The following NPAS3 variants were observed in gnomAD, a reference collection of about 807,000 sequenced individuals.
NPAS3 encodes the protein neuronal PAS domain-containing protein 3.
A neutral mutation model predicts 73.1 loss-of-function variants in NPAS3; 14 were observed. The ratio of observed to expected loss-of-function variants is 0.19; its 90% confidence interval spans 0.13 to 0.30. The LOEUF (loss-of-function observed/expected upper bound fraction) is 0.30, where lower values mean the gene tolerates loss of function less well. Among genes scored for constraint, NPAS3 ranks in the 10% least tolerant of loss-of-function variants. The pLI, the probability that NPAS3 is intolerant of heterozygous loss-of-function variation, is 1.00. For synonymous variants in NPAS3, 620 were observed against 541.5 expected (o/e 1.14, Z -2.01); for missense variants, 1,096 against 1,250.0 (o/e 0.88, Z 1.86).
intron 5 of NPAS3, among the ~76,000 whole-genome samples, chr14:33,631,509 G>A (rs2058376307): frequency 6.6e-6 from 1 of 152,176 alleles, no homozygotes; most frequent in Non-Finnish European, 1.5e-5. Flanking sequence ...ATATTGACAG[G>A]TCAAGTACAG....
intron 3 of NPAS3, among the ~76,000 whole-genome samples, chr14:33,271,303 G>T (rs1482276412): frequency 4.6e-5 from 7 of 152,144 alleles, no homozygotes; most frequent in African/African-American, 1.7e-4. Flanking sequence ...ATAGGTCAGA[G>T]AATTTCTTTA....
intron 2 of NPAS3, among the ~76,000 whole-genome samples, chr14:33,103,648 T>C (rs952056965): frequency 2.0e-5 from 3 of 152,188 alleles, no homozygotes; most frequent in Admixed American, 2.0e-4. Context: ...AGGTCAGTGC[T>C]ACTCAGTCAT....
chr14:33,270,244 G>A (rs145261618), intron 3 of NPAS3, among the ~76,000 whole-genome samples: 1 of 152,090 alleles, frequency 6.6e-6, no homozygotes, highest in Non-Finnish European at 1.5e-5. Context: ...CTTGAGAGAA[G>A]GATACAGCTG....
upstream of NPAS3, chr14:32,939,136 G>A (rs1465769978): frequency 2.0e-5 from 3 of 146,506 alleles, no homozygotes; most frequent in Non-Finnish European, 2.8e-5. Context: ...CGCCGCCGCC[G>A]CCGCCACGGC....
intron 1 of NPAS3, among the ~76,000 whole-genome samples, chr14:32,949,881 A>C (rs1284019813): frequency 1.3e-5 from 2 of 152,016 alleles, no homozygotes; most frequent in East Asian, 3.8e-4. Context: ...ACATGTATTA[A>C]ATTTTTATAT....
intron 1 of NPAS3, among the ~76,000 whole-genome samples, chr14:33,005,149 T>A (rs2139600693): frequency 6.6e-6 from 1 of 152,286 alleles, no homozygotes; most frequent in Middle Eastern, 3.4e-3. Context: ...TAGTCATTTA[T>A]TATCATTCTC....
At chr14:33,466,442 A>G (rs190714316) in intron 4 of NPAS3, among the ~76,000 whole-genome samples, 84 of 152,364 alleles carry the variant, frequency 5.5e-4, no homozygotes, top group African/African-American at 1.9e-3. Context: ...AGTAAATACT[A>G]TCAGCATTAG....
intron 4 of NPAS3, among the ~76,000 whole-genome samples, chr14:33,543,364 A>G (rs1409344733): frequency 1.3e-5 from 2 of 152,186 alleles, no homozygotes; most frequent in African/African-American, 2.4e-5. Flanking sequence ...TGCTATTGCT[A>G]TCTTTACTGT....
intron 5 of NPAS3, among the ~76,000 whole-genome samples, chr14:33,620,130 T>C (rs769022122): frequency 3.9e-5 from 6 of 152,226 alleles, no homozygotes; most frequent in Non-Finnish European, 8.8e-5. Flanking sequence ...CTGGCCATGC[T>C]CCTGTGGTGA....
intron 4 of NPAS3, among the ~76,000 whole-genome samples, chr14:33,460,758 G>A (rs896873746): frequency 2.0e-5 from 3 of 151,940 alleles, no homozygotes; most frequent in African/African-American, 7.3e-5. Flanking sequence ...TTGCTATTCA[G>A]ATACTTAAAG....
intron 4 of NPAS3, among the ~76,000 whole-genome samples, chr14:33,456,163 A>G (rs1025517981): frequency 2.0e-5 from 3 of 152,252 alleles, no homozygotes; most frequent in African/African-American, 7.2e-5. Flanking sequence ...TCTGGAATGC[A>G]TTAGCTACGA....
intron 2 of NPAS3, among the ~76,000 whole-genome samples, chr14:33,123,243 C>T (rs970975234): frequency 1.3e-4 from 20 of 151,854 alleles, no homozygotes; most frequent in Non-Finnish European, 2.2e-4. Flanking sequence ...TCACGGGAGA[C>T]ATTTGGGGTG....
Position 33,383,359 on chromosome 14 carries a change from C to G in NPAS3, c.468+16091C>G, listed in dbSNP as rs571045721. Among the ~76,000 whole-genome samples, 9 of 152,166 alleles carry G rather than the reference C, an allele frequency of 5.9e-5. No individual in the cohort carries two copies. In the South Asian group the frequency reaches 1.7e-3, roughly 28 times the overall value. ...TTCCAACTGATTGATGGTTAATTGT[C>G]CCTTTTGTTTTGGGCAGCATTATTA... On this transcript the variant is annotated intron_variant, in intron 4 of 11. Coordinates refer to ENST00000356141, the Ensembl canonical transcript of NPAS3.
At chr14:33,145,264 C>A (rs1236192076) in intron 2 of NPAS3, among the ~76,000 whole-genome samples, 1 of 152,084 alleles carries the variant, frequency 6.6e-6, no homozygotes. Flanking sequence ...TCTTTCTTTT[C>A]CAATCCCTAA....
chr14:33,768,895 T>G (rs1194809102), intron 7 of NPAS3, among the ~76,000 whole-genome samples: 1 of 152,214 alleles, frequency 6.6e-6, no homozygotes. Flanking sequence ...TACATTCACC[T>G]ACTTAACTTT....
chr14:33,359,362 C>T (rs1024623305), intron 3 of NPAS3, among the ~76,000 whole-genome samples: 4 of 152,156 alleles, frequency 2.6e-5, no homozygotes, highest in African/African-American at 9.7e-5. Flanking sequence ...TTACAAATGT[C>T]ATAACACGAA....
intron 2 of NPAS3, among the ~76,000 whole-genome samples, chr14:33,171,462 A>G (rs996858150): frequency 6.6e-6 from 1 of 152,118 alleles, no homozygotes; most frequent in African/African-American, 2.4e-5. Context: ...TTGCTGCTTC[A>G]CCCTACACTT....
At chr14:33,758,153 T>C (rs2062173072) in intron 7 of NPAS3, among the ~76,000 whole-genome samples, 3 of 152,154 alleles carry the variant, frequency 2.0e-5, no homozygotes, top group African/African-American at 7.2e-5. Flanking sequence ...TTCATAGCAT[T>C]CCACAATCCA....
intron 5 of NPAS3, among the ~76,000 whole-genome samples, chr14:33,560,990 C>T (rs138244852): frequency 6.6e-6 from 1 of 152,330 alleles, no homozygotes; most frequent in East Asian, 1.9e-4. Context: ...TGCTGAACAT[C>T]TGGGTATTTG....
Sources: allele counts gnomAD v4.1 joint callset (sites outside exome capture counted in the v4.1 genomes callset), GRCh38; gene constraint gnomAD v4.1.1; transcripts MANE v1.5; gene names NCBI Gene and HGNC (gene_info 2026-07-23, HGNC 2026-07-21).